The following NCMAP variants were observed in gnomAD, a reference collection of about 807,000 sequenced individuals.
NCMAP encodes the protein noncompact myelin-associated protein.
A neutral mutation model predicts 7.8 loss-of-function variants in NCMAP; 8 were observed. That is an observed-to-expected ratio of 1.02 (90% CI 0.60 to 1.84). The LOEUF (loss-of-function observed/expected upper bound fraction) is 1.84, where lower values mean the gene tolerates loss of function less well. NCMAP is among the 40% of genes most tolerant of loss of function. The probability of loss-of-function intolerance (pLI) is 0.00; values close to 1 mark genes in which losing one functional copy is unlikely to be tolerated. For synonymous variants in NCMAP, 41 were observed against 52.9 expected (o/e 0.78, Z 0.98); for missense variants, 112 against 131.4 (o/e 0.85, Z 0.72).
At chr1:24,571,178 T>TA (rs1184930179) in intron 1 of NCMAP, among the ~76,000 whole-genome samples, 4 of 150,626 alleles carry the variant, frequency 2.7e-5, no homozygotes, top group Non-Finnish European at 4.4e-5. Flanking sequence ...GTAGCCACAT[T>TA]AAAAAAGTAA....
At chr1:24,569,327 G>A (rs150920265) in intron 1 of NCMAP, among the ~76,000 whole-genome samples, 2,327 of 150,460 alleles carry the variant, frequency 0.015, 31 homozygotes, top group Non-Finnish European at 0.024. Context: ...TTCCACTCTG[G>A]CCCTCCCTGG....
In NCMAP at chr1:24,573,221, G is replaced by A. The variant is rs575194415; in HGVS notation, c.-8+17052G>A. On this transcript the variant is annotated intron_variant, in intron 1 of 3. Transcript: ENST00000374392. Reference sequence around the variant, plus strand: ...ATATCACGTTGAAACCAGGTGGTTCGGCTCAAACACAGACCCCTGAGCTTA... The same window carrying A: ...ATATCACGTTGAAACCAGGTGGTTCAGCTCAAACACAGACCCCTGAGCTTA... Among the ~76,000 whole-genome samples, 42 of 150,870 alleles carry A rather than the reference G, an allele frequency of 2.8e-4. 1 individual carries two copies. The highest frequency in any genetic ancestry group is 1.0e-3 in the African/African-American group (41 of 40,174).
intron 1 of NCMAP, chr1:24,563,547 A>AG (rs1407221503): frequency 6.6e-6 from 1 of 151,872 alleles, no homozygotes; most frequent in Admixed American, 6.5e-5. Flanking sequence ...AAAAAAAAAA[A>AG]AAAAAGAAAG....
chr1:24,604,646 AT>A lies in NCMAP; in HGVS notation c.168-959del, dbSNP rs1175248929. 1.2e-4 allele frequency among the ~76,000 whole-genome samples: 12 copies of A among 102,092 alleles called. 2 individuals are homozygous for A. Among genetic ancestry groups the A allele is most frequent in the African/African-American group, 3.9e-4 (10 of 25,862 alleles). 67.0% of individuals were successfully genotyped at this position (102,092 alleles called of 152,430 possible). On this transcript the variant is annotated intron_variant, in intron 3 of 3. Coordinates refer to ENST00000374392, the MANE Select transcript of NCMAP (RefSeq NM_001010980.5). ...TATATATATATATATATATATATATATATATATGTCAGCAAGATGAAATACC... is the reference window on the plus strand; with the variant it reads ...TATATATATATATATATATATATATAATATATGTCAGCAAGATGAAATACC...
At chr1:24,573,491 G>A (rs1163261302) in intron 1 of NCMAP, among the ~76,000 whole-genome samples, 1 of 150,738 alleles carries the variant, frequency 6.6e-6, no homozygotes, top group East Asian at 1.9e-4. Context: ...AGGAGGCTGA[G>A]GCAGGAGACT....
chr1:24,592,801 C>A (rs954131100), intron 1 of NCMAP, among the ~76,000 whole-genome samples: 4 of 152,094 alleles, frequency 2.6e-5, no homozygotes, highest in Non-Finnish European at 4.4e-5. Context: ...CGCCTGTAGT[C>A]CCAGCTACTC....
chr1:24,561,178 C>CAAAAAAAAAAAAAA (rs755072214), intron 1 of NCMAP, among the ~76,000 whole-genome samples: 3 of 103,860 alleles, frequency 2.9e-5, no homozygotes, highest in Admixed American at 1.1e-4. Flanking sequence ...ACTAAAAATA[C>CAAAAAAAAAAAAAA]AAAAAAAAAA....
intron 2 of NCMAP, 103 bp downstream of exon 2, chr1:24,595,615 G>A: frequency 1.2e-6 from 1 of 857,928 alleles, no homozygotes; most frequent in Non-Finnish European, 1.9e-6. Context: ...GGACTGCCTG[G>A]GTCTCAGGCC....
Position 24,576,663 on chromosome 1 carries a change from C to A in NCMAP, c.-7-18761C>A, listed in dbSNP as rs1026541495. Among the ~76,000 whole-genome samples the A allele has an allele frequency of 5.9e-4, 90 of 152,080 alleles. 2 individuals carry two copies. Among genetic ancestry groups the A allele is most frequent in the Non-Finnish European group, 1.8e-4 (12 of 67,986 alleles). ...CAGTCCAGACAGAACAAGTGGCCTGCCCCAGGTCACACAGAAAGTAAGTAA... is the reference window on the plus strand; with the variant it reads ...CAGTCCAGACAGAACAAGTGGCCTGACCCAGGTCACACAGAAAGTAAGTAA... On this transcript the variant is annotated intron_variant, in intron 1 of 3. Transcript: ENST00000374392. The surrounding 1 kb of genome is among the most constrained non-coding windows in gnomAD (Gnocchi z 4.0).
intron 1 of NCMAP, among the ~76,000 whole-genome samples, chr1:24,585,895 A>T (rs1459792643): frequency 2.0e-5 from 3 of 151,816 alleles, no homozygotes; most frequent in Non-Finnish European, 4.4e-5. Flanking sequence ...TCATGGTCTG[A>T]CTCCCTCACC....
chr1:24,575,550 A>G (rs1651528410), intron 1 of NCMAP, among the ~76,000 whole-genome samples: 1 of 152,144 alleles, frequency 6.6e-6, no homozygotes, highest in Admixed American at 6.6e-5. Context: ...GGTCCATCTG[A>G]GCCCAAACCC....
At chr1:24,597,542 G>A (rs1427662656) in intron 2 of NCMAP, among the ~76,000 whole-genome samples, 1 of 69,264 alleles carries the variant, frequency 1.4e-5, no homozygotes, top group East Asian at 5.4e-4. Context: ...GGGGGAGGGG[G>A]AGGGGGAGGA....
intron 1 of NCMAP, among the ~76,000 whole-genome samples, chr1:24,558,107 G>A (rs922907371): frequency 6.6e-6 from 1 of 152,218 alleles, no homozygotes; most frequent in East Asian, 1.9e-4. Flanking sequence ...CCACGAATAT[G>A]TGAGAAGCAA....
intron 1 of NCMAP, among the ~76,000 whole-genome samples, chr1:24,583,005 G>A (rs900524624): frequency 3.3e-5 from 5 of 152,302 alleles, no homozygotes; most frequent in South Asian, 2.1e-4. Context: ...CATCGCCATC[G>A]TCGTCATCAT....
chr1:24,576,000 G>A (rs1009226784), intron 1 of NCMAP, among the ~76,000 whole-genome samples: 14 of 150,654 alleles, frequency 9.3e-5, no homozygotes, highest in Non-Finnish European at 1.8e-4. Context: ...AACTTGGCTA[G>A]TTAGTGAAGG....
intron 1 of NCMAP, among the ~76,000 whole-genome samples, chr1:24,568,300 G>A (rs1428879293): frequency 6.6e-6 from 1 of 152,240 alleles, no homozygotes; most frequent in Non-Finnish European, 1.5e-5. Flanking sequence ...ACAGCAGGAA[G>A]GAGAGGGAAA....
At position 24,584,829 on chromosome 1, in the gene NCMAP, G is replaced by A. The variant is rs115580891; in HGVS notation, c.-7-10595G>A. Among the ~76,000 whole-genome samples, 1,176 of 152,000 alleles carry A rather than the reference G, an allele frequency of 7.7e-3. 16 individuals carry two copies. The highest frequency in any genetic ancestry group is 0.027 in the African/African-American group (1,123 of 41,426). On this transcript the variant is annotated intron_variant, in intron 1 of 3. Coordinates refer to ENST00000374392, the MANE Select transcript of NCMAP (RefSeq NM_001010980.5). ...TTTGGTTTTTATTTTATTTATTTAT[G>A]TATTGTTCTTTGGTTTAAAACAGAC...
intron 1 of NCMAP, among the ~76,000 whole-genome samples, chr1:24,572,638 C>T (rs918197842): frequency 1.3e-5 from 2 of 150,628 alleles, no homozygotes; most frequent in Admixed American, 6.6e-5. Context: ...TCAGCCCCCT[C>T]CTCCTAGGAG....
At chr1:24,558,737 A>C (rs1650972524) in intron 1 of NCMAP, among the ~76,000 whole-genome samples, 1 of 152,202 alleles carries the variant, frequency 6.6e-6, no homozygotes, top group South Asian at 2.1e-4. Flanking sequence ...TTTGCAAACC[A>C]GGATCTGGAC....
Sources: gnomAD v4.1 joint callset for allele counts (sites outside exome capture counted in the v4.1 genomes callset) on GRCh38, gnomAD v4.1.1 for gene constraint, Gnocchi (gnomAD v3.1) non-coding constraint, MANE v1.5 for transcripts, NCBI Gene and HGNC (gene_info 2026-07-23, HGNC 2026-07-21) for gene names.